KIAA1217: variants seen among roughly 807,000 people sequenced by gnomAD.
KIAA1217 encodes KIAA1217, also known as sickle tail protein homolog.
In KIAA1217, 88 loss-of-function variants were observed where a neutral mutation model predicts 163.9. The ratio of observed to expected loss-of-function variants is 0.54; its 90% CI spans 0.45 to 0.64. The LOEUF (loss-of-function observed/expected upper bound fraction) is 0.64, where lower values mean the gene tolerates loss of function less well. Ranked by LOEUF, KIAA1217 falls within the 30% of genes least tolerant of loss-of-function variation. KIAA1217 has a pLI of 0.00. For synonymous variants in KIAA1217, 903 were observed against 923.1 expected (o/e 0.98, Z 0.39); for missense variants, 2,372 against 2,475.0 (o/e 0.96, Z 0.88).
chr10:23,714,127 C>T (rs911340244), intron 1 of KIAA1217, among the ~76,000 whole-genome samples: 2 of 152,070 alleles, frequency 1.3e-5, no homozygotes, highest in Non-Finnish European at 2.9e-5. Flanking sequence ...ACCTTTTCTC[C>T]ATATCCAATC....
At chr10:24,063,424 AG>A (rs2060811853) in intron 2 of KIAA1217, among the ~76,000 whole-genome samples, 1 of 152,026 alleles carries the variant, frequency 6.6e-6, no homozygotes, top group Non-Finnish European at 1.5e-5. Context: ...TCTTTTTGTC[AG>A]GTTTGTCAAA....
At chr10:24,505,369 T>C (rs151078190) in intron 9 of KIAA1217, among the ~76,000 whole-genome samples, 31 of 151,928 alleles carry the variant, frequency 2.0e-4, no homozygotes, top group African/African-American at 6.8e-4. Flanking sequence ...GAAAGGGTTT[T>C]GTCAAGGTTT....
At chr10:23,970,630 A>C (rs1845274405) in intron 1 of KIAA1217, among the ~76,000 whole-genome samples, 1 of 152,238 alleles carries the variant, frequency 6.6e-6, no homozygotes, top group African/African-American at 2.4e-5. Context: ...TAAGACAGTA[A>C]ATCTTAAATG....
intron 1 of KIAA1217, among the ~76,000 whole-genome samples, chr10:23,859,557 A>G (rs1286248026): frequency 6.6e-6 from 1 of 152,232 alleles, no homozygotes; most frequent in Admixed American, 6.5e-5. Flanking sequence ...GATTACCACT[A>G]TCTACAATAG....
chr10:23,739,752 G>A (rs1459868424), intron 1 of KIAA1217, among the ~76,000 whole-genome samples: 2 of 152,164 alleles, frequency 1.3e-5, no homozygotes, highest in Non-Finnish European at 2.9e-5. Flanking sequence ...AGGGAGACCC[G>A]GGACGAGGCT....
At chr10:24,248,252 A>C (rs2131433381) in intron 2 of KIAA1217, among the ~76,000 whole-genome samples, 1 of 152,338 alleles carries the variant, frequency 6.6e-6, no homozygotes, top group East Asian at 1.9e-4. Context: ...TTGGGTCCTA[A>C]CCATCCCATG....
chr10:23,716,943 G>A (rs1157264314), intron 1 of KIAA1217, among the ~76,000 whole-genome samples: 3 of 151,798 alleles, frequency 2.0e-5, no homozygotes, highest in Non-Finnish European at 4.4e-5. Flanking sequence ...TTATATACAA[G>A]GCTTATTTAT....
intron 2 of KIAA1217, among the ~76,000 whole-genome samples, chr10:24,007,992 T>G (rs7067815): frequency 0.054 from 8,228 of 152,244 alleles, 302 homozygotes; most frequent in African/African-American, 0.1. Flanking sequence ...TTTAGCATAT[T>G]CATTCAGCCT....
intron 2 of KIAA1217, among the ~76,000 whole-genome samples, chr10:24,189,491 A>C (rs946418363): frequency 6.6e-6 from 1 of 152,190 alleles, no homozygotes; most frequent in Non-Finnish European, 1.5e-5. Context: ...ACACATGTGC[A>C]CACACTTTTA....
chr10:23,976,468 G>A (rs1157139093), intron 1 of KIAA1217, among the ~76,000 whole-genome samples: 1 of 152,052 alleles, frequency 6.6e-6, no homozygotes, highest in Non-Finnish European at 1.5e-5. Context: ...CTATTTATAG[G>A]CAGATGACAC....
chr10:24,521,051 T>C (rs922456312), intron 11 of KIAA1217, among the ~76,000 whole-genome samples: 1 of 147,296 alleles, frequency 6.8e-6, no homozygotes, highest in Non-Finnish European at 1.5e-5. Flanking sequence ...AGTTTTTTTT[T>C]TTTTTTTTTT....
At chr10:24,484,380 T>G (rs78168029) in intron 6 of KIAA1217, among the ~76,000 whole-genome samples, 29,555 of 148,824 alleles carry the variant, frequency 0.2, 3,139 homozygotes, top group South Asian at 0.37. Context: ...AAGTAGCTGG[T>G]ATTACAGAAG....
At chr10:24,382,143 GT>G (rs1166524412) in intron 3 of KIAA1217, among the ~76,000 whole-genome samples, 1 of 151,766 alleles carries the variant, frequency 6.6e-6, no homozygotes, top group African/African-American at 2.4e-5. Flanking sequence ...GGGGGCAGAT[GT>G]TTCTTATGCT....
intron 5 of KIAA1217, among the ~76,000 whole-genome samples, chr10:24,469,139 T>C (rs1398305054): frequency 7.0e-6 from 1 of 141,926 alleles, no homozygotes; most frequent in Non-Finnish European, 1.6e-5. Flanking sequence ...CTTTATTTTA[T>C]TGGAGACAGA....
At chr10:24,513,525 T>C in intron 10 of KIAA1217, 91 bp downstream of exon 10, 1 of 1,275,042 alleles carries the variant, frequency 7.8e-7, no homozygotes, top group Non-Finnish European at 1.1e-6. Context: ...TTGGTGGTCT[T>C]GCCCTCTCTT....
chr10:24,370,020 C>T (rs1020205640), intron 2 of KIAA1217, among the ~76,000 whole-genome samples: 3 of 152,180 alleles, frequency 2.0e-5, no homozygotes, highest in Admixed American at 2.0e-4. Context: ...AATCCCAGCA[C>T]TTTGGGAGGC....
chr10:24,484,082 A>G (rs2065033801), intron 6 of KIAA1217, among the ~76,000 whole-genome samples: 1 of 151,444 alleles, frequency 6.6e-6, no homozygotes, highest in Non-Finnish European at 1.5e-5. Flanking sequence ...GGGGATGATA[A>G]TCTACTCAAG....
chr10:24,357,296 A>G (rs1317719231), intron 2 of KIAA1217, among the ~76,000 whole-genome samples: 4 of 152,222 alleles, frequency 2.6e-5, no homozygotes, highest in Non-Finnish European at 2.9e-5. Context: ...GTGAGTTTCT[A>G]CACTCTGGGC....
chr10:24,224,960 G>A (rs2070285644), intron 2 of KIAA1217, among the ~76,000 whole-genome samples: 1 of 151,358 alleles, frequency 6.6e-6, no homozygotes, highest in Non-Finnish European at 1.5e-5. Context: ...CCGAGTAGCT[G>A]GGACTACAGG....
Sources: allele counts gnomAD v4.1 joint callset (sites outside exome capture counted in the v4.1 genomes callset), GRCh38; gene constraint gnomAD v4.1.1; transcripts MANE v1.5; gene names NCBI Gene and HGNC (gene_info 2026-07-23, HGNC 2026-07-21).